Variants in PDCD2L observed in about 807,000 individuals in gnomAD.
The protein encoded by PDCD2L is uS5 assembly chaperone PDCD2L.
A neutral mutation model predicts 40.4 loss-of-function variants in PDCD2L; 44 were observed. The ratio of observed to expected loss-of-function variants is 1.09; its 90% CI spans 0.86 to 1.40. PDCD2L has a LOEUF of 1.40. PDCD2L is among the 40% of genes most tolerant of loss of function. The probability of loss-of-function intolerance (pLI) is 0.00; values close to 1 mark genes in which losing one functional copy is unlikely to be tolerated. For synonymous variants in PDCD2L, 194 were observed against 174.6 expected (o/e 1.11, Z -0.88); for missense variants, 470 against 453.7 (o/e 1.04, Z -0.33).
intron 5 of PDCD2L, among the ~76,000 whole-genome samples, chr19:34,419,555 A>G (rs2075139937): frequency 6.7e-6 from 1 of 150,070 alleles, no homozygotes; most frequent in South Asian, 2.1e-4. Flanking sequence ...GCTGGTCTTG[A>G]ACTCCTGGAC....
intron 4 of PDCD2L, among the ~76,000 whole-genome samples, chr19:34,411,862 C>G (rs901986955): frequency 6.0e-5 from 9 of 151,040 alleles, no homozygotes; most frequent in African/African-American, 2.2e-4. Context: ...ACCATGTTGG[C>G]CAGGCTGGTC....
At chr19:34,411,481 G>A (rs990413081) in intron 4 of PDCD2L, among the ~76,000 whole-genome samples, 2 of 151,766 alleles carry the variant, frequency 1.3e-5, no homozygotes. Context: ...CTGGCCCCAC[G>A]TGATCCGCCC....
At position 34,421,485 on chromosome 19, in the gene PDCD2L, C is replaced by T. The variant is rs1256151142; in HGVS notation, c.798-34C>T. 16 of 1,610,242 alleles carry T rather than the reference C, an allele frequency of 9.9e-6. No homozygotes were observed. In the East Asian group the frequency reaches 3.6e-4, roughly 36 times the overall value. The stretch of plus-strand genomic sequence containing the variant: ...AGATGCTAGAATGCGACTTGTGTGG[C>T]TCTGATTCGGGGTTCTTTGTTTCCT... On this transcript the variant is annotated intron_variant, in intron 5 of 6. Coordinates refer to ENST00000246535, the MANE Select transcript of PDCD2L (RefSeq NM_032346.2).
chr19:34,425,833 A>G (rs1331961957), intron 6 of PDCD2L, among the ~76,000 whole-genome samples, 157 bp from the exon 7 acceptor site: 1 of 152,206 alleles, frequency 6.6e-6, no homozygotes, highest in East Asian at 1.9e-4. Flanking sequence ...TTCACTTATT[A>G]TAGGATAGAC....
intron 5 of PDCD2L, 82 bp downstream of exon 5, chr19:34,413,929 G>T: frequency 1.1e-6 from 1 of 909,074 alleles, no homozygotes; most frequent in East Asian, 2.6e-5. Context: ...AGGAAAATAT[G>T]AGAAAAGCAA....
intron 5 of PDCD2L, among the ~76,000 whole-genome samples, chr19:34,421,212 C>T (rs993246256): frequency 2.6e-5 from 4 of 152,170 alleles, no homozygotes; most frequent in Non-Finnish European, 5.9e-5. Flanking sequence ...CTAAGGCATG[C>T]CCTTTCCTCT....
At position 34,404,682 on chromosome 19, in the gene PDCD2L, G is replaced by A. The variant is rs1290945023; in HGVS notation, c.142G>A (p.Val48Met). The change falls in exon 2 of 7, where the codon GTG becomes ATG. Residue 48 changes from valine to methionine, a missense_variant. Transcript: ENST00000246535. ...ALPTVAAPRPVCQRCGQPLAL... is the reference protein window; with the variant it reads ...ALPTVAAPRPMCQRCGQPLAL... The stretch of plus-strand genomic sequence containing the variant: ...GCCCACCGTGGCTGCGCCCAGGCCC[G>A]TGTGTCAGCGCTGCGGGCAGCCGCT... The A allele has an allele frequency of 6.2e-7, 1 of 1,612,040 alleles. No individual in the cohort carries two copies.
intron 3 of PDCD2L, 122 bp from the exon 4 acceptor site, chr19:34,409,039 A>G (rs907819396): frequency 1.6e-5 from 13 of 797,230 alleles, no homozygotes; most frequent in African/African-American, 5.2e-5. Context: ...GGAGTGTACC[A>G]GAGGGGAAGG....
intron 4 of PDCD2L, among the ~76,000 whole-genome samples, chr19:34,413,382 G>A (rs890201536): frequency 7.0e-6 from 1 of 142,084 alleles, no homozygotes; most frequent in Admixed American, 7.4e-5. Context: ...CCAGGCTGGA[G>A]TGTAGTGGCA....
chr19:34,404,776 C>T lies in PDCD2L; in HGVS notation c.236C>T (p.Ala79Val). ...SPFHRLLHVF[A>V]CACPGCSTGG... ...TTTCACCGTCTGCTGCACGTGTTCG[C>T]GTGCGCCTGCCCCGGCTGTAGCACC... Residue 79 changes from alanine (A) to valine (V), a missense_variant, in exon 2 of 7, where the codon GCG becomes GTG. Ala to Val is a moderately conservative substitution (Grantham distance 64). Coordinates refer to ENST00000246535, the MANE Select transcript of PDCD2L (RefSeq NM_032346.2). The T allele has an allele frequency of 6.2e-7, 1 of 1,606,932 alleles. No homozygotes were observed. The highest frequency in any genetic ancestry group is 8.5e-7 in the Non-Finnish European group (1 of 1,177,952).
chr19:34,425,514 T>G (rs2075173119), intron 6 of PDCD2L, among the ~76,000 whole-genome samples: 1 of 151,734 alleles, frequency 6.6e-6, no homozygotes, highest in African/African-American at 2.4e-5. Flanking sequence ...CCAGGCTATA[T>G]GAGATATATA....
At position 34,413,817 on chromosome 19, in the gene PDCD2L, G is replaced by C. The variant is rs147826121; in HGVS notation, c.767G>C (p.Arg256Pro). 1 of 1,604,530 alleles carries C rather than the reference G, an allele frequency of 6.2e-7. No individual in the cohort carries two copies. Among genetic ancestry groups the C allele is most frequent in the Non-Finnish European group, 8.5e-7 (1 of 1,173,530 alleles). ...GDQTFYKFMKRIAACQEQILR... is the reference protein window; with the variant it reads ...GDQTFYKFMKPIAACQEQILR... ...CAGACGTTTTACAAATTCATGAAGC[G>C]AATTGCTGCTTGTCAGGAGCAGATT... Residue 256 changes from arginine to proline, a missense_variant, in exon 5 of 7, where the codon CGA becomes CCA. Coordinates refer to ENST00000246535, the MANE Select transcript of PDCD2L (RefSeq NM_032346.2).
At chr19:34,411,534 C>G (rs1048606378) in intron 4 of PDCD2L, among the ~76,000 whole-genome samples, 12 of 152,192 alleles carry the variant, frequency 7.9e-5, no homozygotes, top group Non-Finnish European at 1.3e-4. Flanking sequence ...TATTAGCCAC[C>G]ACGCCCAGCC....
rs778389275 is a variant in PDCD2L at position 34,409,476 on chromosome 19, G to T, written c.652G>T (p.Glu218Ter). ...CCTTCTGAGGGACTATCAGCAGAGA[G>T]AAGGCATTGCCATGGATCAGTTGCT... is the stretch of plus-strand genomic sequence containing the variant. ...HSLLRDYQQR[E>*]GIAMDQLLSQ... is the part of the protein sequence containing the mutation. The change falls in exon 4 of 7, where the codon GAA becomes TAA. Residue 218 changes from glutamate (E) to a stop codon, truncating the protein, a stop_gained. Transcript: ENST00000246535. LOFTEE classifies it high-confidence loss of function. The T allele has an allele frequency of 6.2e-6, 10 of 1,614,028 alleles. No individual in the cohort carries two copies. Among genetic ancestry groups the T allele is most frequent in the Non-Finnish European group, 6.8e-6 (8 of 1,180,044 alleles).
chr19:34,412,218 C>T (rs1055089482), intron 4 of PDCD2L, among the ~76,000 whole-genome samples: 1 of 151,442 alleles, frequency 6.6e-6, no homozygotes, highest in African/African-American at 2.4e-5. Flanking sequence ...CAGGGTTTCA[C>T]CATGTTGGCC....
chr19:34,406,826 C>CTTTTTTTTT (rs35175132), intron 3 of PDCD2L, among the ~76,000 whole-genome samples: 3 of 102,246 alleles, frequency 2.9e-5, no homozygotes, highest in African/African-American at 4.3e-5. Flanking sequence ...TTCTTTCTTC[C>CTTTTTTTTT]TTTTTTTTTT....
chr19:34,423,418 A>G (rs1031363392), intron 6 of PDCD2L, among the ~76,000 whole-genome samples: 1 of 151,354 alleles, frequency 6.6e-6, no homozygotes, highest in East Asian at 1.9e-4. Flanking sequence ...TCCTGACCTC[A>G]AGCTCCCGAC....
intron 3 of PDCD2L, among the ~76,000 whole-genome samples, chr19:34,406,963 A>G (rs1184504668): frequency 1.3e-5 from 2 of 149,120 alleles, no homozygotes; most frequent in Admixed American, 6.8e-5. Context: ...CAGCCTCCCT[A>G]GTAGCTGGGA....
At position 34,404,448 on chromosome 19, in the gene PDCD2L, G is replaced by C. The variant is rs112437033; in HGVS notation, c.18G>C (p.Lys6Asn). MAAVL[K>N]PVLLGLRDAP... is the part of the protein sequence containing the mutation. Reference sequence around the variant, plus strand: ...CGGCGGCCATGGCGGCCGTTCTGAAGCCGGTGCTGCTGGGCCTTCGAGATG... The same window carrying C: ...CGGCGGCCATGGCGGCCGTTCTGAACCCGGTGCTGCTGGGCCTTCGAGATG... The change falls in exon 1 of 7, where the codon AAG (lysine) becomes AAC (asparagine). Residue 6 changes from lysine to asparagine, a missense_variant. By Grantham distance (94) the Lys-to-Asn change is moderately conservative. Transcript: ENST00000246535. The C allele has an allele frequency of 3.8e-5, 59 of 1,544,478 alleles. No individual in the cohort carries two copies. In the African/African-American group the frequency reaches 4.8e-4, roughly 13 times the overall value.
Sources: allele counts gnomAD v4.1 joint callset (sites outside exome capture counted in the v4.1 genomes callset), GRCh38; gene constraint gnomAD v4.1.1; transcripts MANE v1.5; gene names NCBI Gene and HGNC (gene_info 2026-07-23, HGNC 2026-07-21).